Variants in DLGAP1 observed in about 807,000 individuals in gnomAD.
DLGAP1 encodes disks large-associated protein 1.
A neutral mutation model predicts 90.8 loss-of-function variants in DLGAP1; 11 were observed. The ratio of observed to expected loss-of-function variants is 0.12; its 90% CI spans 0.08 to 0.20. The LOEUF (loss-of-function observed/expected upper bound fraction) is 0.20. Among genes scored for constraint, DLGAP1 ranks in the 10% least tolerant of loss-of-function variants. DLGAP1 has a pLI of 1.00. For synonymous variants in DLGAP1, 558 were observed against 540.7 expected (o/e 1.03, Z -0.44); for missense variants, 1,050 against 1,333.8 (o/e 0.79, Z 3.31).
At chr18:4,172,368 G>C (rs1359416486) in intron 1 of DLGAP1, among the ~76,000 whole-genome samples, 1 of 152,150 alleles carries the variant, frequency 6.6e-6, no homozygotes, top group African/African-American at 2.4e-5. Context: ...TAATTTCTCT[G>C]AGTCTCATGA....
chr18:4,338,887 G>A (rs182674616), intron 1 of DLGAP1, among the ~76,000 whole-genome samples: 21 of 151,990 alleles, frequency 1.4e-4, no homozygotes, highest in African/African-American at 4.6e-4. Context: ...TTATTATAGC[G>A]GACCTTCAAA....
chr18:4,418,940 A>C (rs1317909376), intron 1 of DLGAP1, among the ~76,000 whole-genome samples: 1 of 152,168 alleles, frequency 6.6e-6, no homozygotes, highest in Non-Finnish European at 1.5e-5. Context: ...TCATATTCAA[A>C]CTGCTAAAAA....
intron 1 of DLGAP1, among the ~76,000 whole-genome samples, chr18:4,397,253 C>T (rs2082460384): frequency 6.6e-6 from 1 of 152,192 alleles, no homozygotes; most frequent in African/African-American, 2.4e-5. Flanking sequence ...TCCTCAACAA[C>T]CATGACTTAA....
At chr18:3,754,298 A>G (rs2063622332) in intron 5 of DLGAP1, among the ~76,000 whole-genome samples, 1 of 152,164 alleles carries the variant, frequency 6.6e-6, no homozygotes, top group Non-Finnish European at 1.5e-5. Context: ...CACCGTACTC[A>G]GCCTCCTACT....
At chr18:3,987,241 T>C (rs1389404377) in intron 3 of DLGAP1, among the ~76,000 whole-genome samples, 3 of 152,112 alleles carry the variant, frequency 2.0e-5, no homozygotes, top group South Asian at 4.1e-4. Flanking sequence ...TGCTAATAGA[T>C]AGAAATCTGG....
chr18:4,043,577 A>G (rs2075007313), intron 2 of DLGAP1, among the ~76,000 whole-genome samples: 1 of 150,478 alleles, frequency 6.6e-6, no homozygotes, highest in Non-Finnish European at 1.5e-5. Flanking sequence ...TTTGCCTTTT[A>G]TATCTGAAGA....
At chr18:3,998,233 T>C (rs2074108402) in intron 3 of DLGAP1, among the ~76,000 whole-genome samples, 1 of 152,354 alleles carries the variant, frequency 6.6e-6, no homozygotes, top group East Asian at 1.9e-4. Context: ...GAATAATATG[T>C]ATAGGGAAGT....
intron 3 of DLGAP1, among the ~76,000 whole-genome samples, chr18:3,893,172 T>C (rs1480361236): frequency 6.6e-6 from 1 of 152,130 alleles, no homozygotes; most frequent in African/African-American, 2.4e-5. Context: ...TTCTGAGTTA[T>C]TTCACTTAAG....
At chr18:4,313,174 T>C (rs958555755) in intron 1 of DLGAP1, among the ~76,000 whole-genome samples, 1 of 152,216 alleles carries the variant, frequency 6.6e-6, no homozygotes, top group African/African-American at 2.4e-5. Flanking sequence ...AAAATGTCAC[T>C]GCACGAAGCT....
chr18:4,239,291 T>G (rs1207155464), intron 1 of DLGAP1, among the ~76,000 whole-genome samples: 1 of 152,212 alleles, frequency 6.6e-6, no homozygotes, highest in Non-Finnish European at 1.5e-5. Context: ...TCCTAAATCC[T>G]AAAGGGATAA....
At chr18:3,759,650 T>A (rs2147894096) in intron 5 of DLGAP1, among the ~76,000 whole-genome samples, 2 of 152,324 alleles carry the variant, frequency 1.3e-5, no homozygotes, top group South Asian at 4.1e-4. Context: ...GACATGTGAT[T>A]CCTGCCCCTG....
intron 8 of DLGAP1, among the ~76,000 whole-genome samples, chr18:3,577,125 T>C (rs1006789777): frequency 1.3e-4 from 20 of 152,166 alleles, no homozygotes; most frequent in Non-Finnish European, 2.5e-4. Flanking sequence ...CCTCCCAAAG[T>C]GCAGGGATTA....
At position 3,639,217 on chromosome 18, in the gene DLGAP1, G is replaced by A. The variant is rs531099986; in HGVS notation, c.1592-56969C>T. ...CTAAAAATACAAAAGTTAGCCAGGC[G>A]TGGTGGTGGGTGCCTGTAGTCCCAG... On this transcript the variant is annotated intron_variant, in intron 7 of 12. Transcript: ENST00000315677. Among the ~76,000 whole-genome samples the A allele has an allele frequency of 7.9e-5, 12 of 152,174 alleles. No homozygotes were observed. In the South Asian group the frequency reaches 1.9e-3, roughly 24 times the overall value.
At chr18:3,920,769 A>AT (rs11437583) in intron 3 of DLGAP1, among the ~76,000 whole-genome samples, 152,286 of 152,310 alleles carry the variant, frequency 1, 76,132 homozygotes, top group Non-Finnish European at 1. Flanking sequence ...CGCACATCTT[A>AT]TTTCCAGAAA....
At chr18:4,046,620 G>A (rs2075058329) in intron 2 of DLGAP1, among the ~76,000 whole-genome samples, 1 of 152,190 alleles carries the variant, frequency 6.6e-6, no homozygotes, top group Non-Finnish European at 1.5e-5. Context: ...TATCTCCTTA[G>A]GTCTCTGGCT....
Position 4,283,514 on chromosome 18 carries a change from C to T in DLGAP1, c.-266-132227G>A, listed in dbSNP as rs567043867. On this transcript the variant is annotated intron_variant, in intron 1 of 12. Transcript: ENST00000315677. ...ATATATAAATAAAAACAATAACTGACAGGGATTGCCAACTCTAGTGAAAAT... is the reference window on the plus strand; with the variant it reads ...ATATATAAATAAAAACAATAACTGATAGGGATTGCCAACTCTAGTGAAAAT... 2.2e-4 allele frequency among the ~76,000 whole-genome samples: 34 copies of T among 152,288 alleles called. No individual in the cohort carries two copies. In the East Asian group the frequency reaches 6.2e-3, roughly 28 times the overall value.
At chr18:3,959,282 T>A (rs2073144949) in intron 3 of DLGAP1, among the ~76,000 whole-genome samples, 1 of 152,184 alleles carries the variant, frequency 6.6e-6, no homozygotes, top group Admixed American at 6.5e-5. Flanking sequence ...TAGGTCCTTT[T>A]GTTTACCTGA....
chr18:4,211,488 C>A (rs2077839709), intron 1 of DLGAP1, among the ~76,000 whole-genome samples: 1 of 152,140 alleles, frequency 6.6e-6, no homozygotes, highest in African/African-American at 2.4e-5. Flanking sequence ...TAGACCTAAT[C>A]TTTCCAAATG....
intron 1 of DLGAP1, among the ~76,000 whole-genome samples, chr18:4,205,554 G>A (rs2077704117): frequency 2.6e-5 from 4 of 152,162 alleles, no homozygotes; most frequent in Admixed American, 2.6e-4. Context: ...ATGCAGTGGT[G>A]TGATCACAGT....
Sources: allele counts gnomAD v4.1 joint callset (sites outside exome capture counted in the v4.1 genomes callset), GRCh38; gene constraint gnomAD v4.1.1; transcripts MANE v1.5; gene names NCBI Gene and HGNC (gene_info 2026-07-23, HGNC 2026-07-21).